THUMPD2: variants seen among roughly 807,000 people sequenced by gnomAD.
The protein encoded by THUMPD2 is THUMP domain 2 tRNA and snRNA guanosine methyltransferase, also known as U6 snRNA (guanine-N(2))-methyltransferase THUMPD2.
Under a neutral mutation model 49.4 loss-of-function variants are expected in THUMPD2, and 56 were observed. The ratio of observed to expected loss-of-function variants is 1.13; its 90% CI spans 0.91 to 1.41. THUMPD2 has a LOEUF of 1.41. Among genes scored for constraint, THUMPD2 ranks in the 40% most tolerant of loss-of-function variants. THUMPD2 has a pLI of 0.00. For synonymous variants in THUMPD2, 237 were observed against 205.2 expected (o/e 1.15, Z -1.32); for missense variants, 709 against 594.5 (o/e 1.19, Z -2.00).
chr2:39,759,338 ATTAT>A (rs1185348088), intron 6 of THUMPD2, among the ~76,000 whole-genome samples: 1 of 152,098 alleles, frequency 6.6e-6, no homozygotes, highest in East Asian at 1.9e-4. Context: ...TTTTGGTATA[ATTAT>A]TTATTATTAC....
intron 8 of THUMPD2, 41 bp downstream of exon 8, chr2:39,755,254 T>C: frequency 7.9e-7 from 1 of 1,265,270 alleles, no homozygotes; most frequent in Non-Finnish European, 1.1e-6. Context: ...TATATTTACA[T>C]TGTTCCTTTT....
chr2:39,743,188 T>C (rs1028862894), intron 9 of THUMPD2, among the ~76,000 whole-genome samples: 1 of 152,212 alleles, frequency 6.6e-6, no homozygotes, highest in Non-Finnish European at 1.5e-5. Flanking sequence ...TGGTGACCCA[T>C]TATTTACATA....
intron 3 of THUMPD2, 123 bp downstream of exon 3, chr2:39,769,562 TGTGGTGACGCACACCTGTGATCCCA>T: frequency 3.0e-6 from 2 of 667,262 alleles, no homozygotes; most frequent in Non-Finnish European, 4.6e-6. Flanking sequence ...ATTAGCTGGG[TGTGGTGACGCACACCTGTGATCCCA>T]GCTACTCAGG....
At chr2:39,754,772 G>A (rs968495836) in intron 8 of THUMPD2, among the ~76,000 whole-genome samples, 1 of 152,182 alleles carries the variant, frequency 6.6e-6, no homozygotes, top group African/African-American at 2.4e-5. Flanking sequence ...CTACCTCACA[G>A]GGTGGCCAAC....
chr2:39,741,429 C>A (rs1055811516), intron 9 of THUMPD2, among the ~76,000 whole-genome samples: 1 of 152,214 alleles, frequency 6.6e-6, no homozygotes, highest in Non-Finnish European at 1.5e-5. Context: ...TCTGTCTTCA[C>A]TTCCAAATTT....
intron 4 of THUMPD2, among the ~76,000 whole-genome samples, chr2:39,766,434 T>C (rs1299249345): frequency 6.6e-6 from 1 of 152,214 alleles, no homozygotes; most frequent in Non-Finnish European, 1.5e-5. Context: ...TATTTTGCGT[T>C]GAGAAGATTT....
In THUMPD2 at chr2:39,740,510, A is replaced by G. The variant is rs189740074; in HGVS notation, c.1188-3451T>C. 2.6e-3 allele frequency among the ~76,000 whole-genome samples: 400 copies of G among 152,332 alleles called. 1 individual carries two copies. Among genetic ancestry groups the G allele is most frequent in the Middle Eastern group, 0.017 (5 of 294 alleles). On this transcript the variant is annotated intron_variant, in intron 9 of 9. Transcript: ENST00000505747. The stretch of plus-strand genomic sequence containing the variant: ...TATTGTAATTTTGTTCAAATAATGG[A>G]GAGAAAGTGAAAATCACCTGAAATC...
At chr2:39,773,661 G>C (rs1191968144) in intron 1 of THUMPD2, among the ~76,000 whole-genome samples, 2 of 146,278 alleles carry the variant, frequency 1.4e-5, no homozygotes, top group Non-Finnish European at 3.0e-5. Flanking sequence ...TGGGGCAAGT[G>C]GTTTCCAAAA....
intron 4 of THUMPD2, among the ~76,000 whole-genome samples, chr2:39,767,114 T>C (rs1481460242): frequency 6.6e-6 from 1 of 152,262 alleles, no homozygotes; most frequent in Non-Finnish European, 1.5e-5. Flanking sequence ...CAAATTTTAC[T>C]ACGTGTGATT....
chr2:39,770,031 T>C lies in THUMPD2; in HGVS notation c.351A>G (p.Glu117=), dbSNP rs1678104422. 1.3e-6 allele frequency: 2 copies of C among 1,575,624 alleles called. No individual in the cohort carries two copies. The highest frequency in any genetic ancestry group is 2.1e-5 in the Admixed American group (1 of 48,250). The change falls in exon 3 of 10, where the codon GAA becomes GAG. Residue 117 remains glutamate (E), a synonymous_variant. Coordinates refer to ENST00000505747, the MANE Select transcript of THUMPD2 (RefSeq NM_025264.5). ...AAAGTTTTTCCTTTTTTGCATCAAG[T>C]TCAAGAAGATTTTTCCAAATTGAAA... is the stretch of plus-strand genomic sequence containing the variant. ...NAISIWKNLL[E]LDAKKEKLSQ...
intron 9 of THUMPD2, among the ~76,000 whole-genome samples, chr2:39,738,385 A>G (rs186864979): frequency 2.0e-5 from 3 of 152,162 alleles, no homozygotes; most frequent in Non-Finnish European, 4.4e-5. Flanking sequence ...CAACATGGCA[A>G]AACATGTCTC....
At chr2:39,742,998 G>C (rs1458956965) in intron 9 of THUMPD2, among the ~76,000 whole-genome samples, 4 of 152,160 alleles carry the variant, frequency 2.6e-5, no homozygotes, top group Non-Finnish European at 5.9e-5. Context: ...CTGGGTAGCA[G>C]GGAAAGTTGC....
chr2:39,736,684 C>A lies in THUMPD2; in HGVS notation c.*51G>T. 2.6e-6 allele frequency: 4 copies of A among 1,514,052 alleles called. No individual in the cohort carries two copies. Among genetic ancestry groups the A allele is most frequent in the South Asian group, 2.5e-5 (2 of 78,858 alleles). The allele number at this position is 1,514,052 out of a possible 1,614,324, so 93.8% of individuals were successfully genotyped here. A position where few individuals can be genotyped will look rare whatever the true frequency, so the allele number is the denominator to read the frequency against. ...GAATCCTAGAGACAGCAAACTTCTG[C>A]TGTACAGCTAACTTACAAGGGCCTG... On this transcript the variant is annotated 3_prime_UTR_variant, in exon 10 of 10. Coordinates refer to ENST00000505747, the MANE Select transcript of THUMPD2 (RefSeq NM_025264.5).
chr2:39,757,429 TAA>T, intron 6 of THUMPD2: 1 of 1,300,876 alleles, frequency 7.7e-7, no homozygotes, highest in Non-Finnish European at 1.0e-6. Context: ...TACTAAATTT[TAA>T]AGAGAATATC....
At chr2:39,751,038 ACTCT>A (rs1172213628) in intron 8 of THUMPD2, among the ~76,000 whole-genome samples, 1 of 152,236 alleles carries the variant, frequency 6.6e-6, no homozygotes, top group African/African-American at 2.4e-5. Flanking sequence ...CATGTGAACT[ACTCT>A]CTATGTTGAA....
chr2:39,739,710 G>A (rs1406645719), intron 9 of THUMPD2, among the ~76,000 whole-genome samples: 6 of 152,196 alleles, frequency 3.9e-5, no homozygotes, highest in Admixed American at 3.9e-4. Context: ...ACCGGCAGAT[G>A]AGTAGGCAGA....
chr2:39,751,537 T>A (rs72805049), intron 8 of THUMPD2, among the ~76,000 whole-genome samples: 1 of 152,204 alleles, frequency 6.6e-6, no homozygotes, highest in Admixed American at 6.5e-5. Context: ...ATACTGAGAA[T>A]GTAAATATAT....
At chr2:39,757,433 G>A in intron 6 of THUMPD2, 4 of 1,300,294 alleles carry the variant, frequency 3.1e-6, no homozygotes, top group Non-Finnish European at 4.1e-6. Context: ...AAATTTTAAA[G>A]AGAATATCAC....
intron 8 of THUMPD2, among the ~76,000 whole-genome samples, chr2:39,747,474 C>T (rs1674765332): frequency 6.6e-6 from 1 of 152,082 alleles, no homozygotes; most frequent in South Asian, 2.1e-4. Context: ...GATTGGGTCA[C>T]CATACAGTTT....
Sources: allele counts gnomAD v4.1 joint callset (sites outside exome capture counted in the v4.1 genomes callset), GRCh38; gene constraint gnomAD v4.1.1; transcripts MANE v1.5; gene names NCBI Gene and HGNC (gene_info 2026-07-23, HGNC 2026-07-21).